CLSPN: variants seen among roughly 807,000 people sequenced by gnomAD.
CLSPN encodes the protein claspin, also known as claspin homolog.
In CLSPN, 85 loss-of-function variants were observed where a neutral mutation model predicts 156.3. The observed-to-expected ratio is 0.54, with a 90% CI of 0.46 to 0.65. The LOEUF (loss-of-function observed/expected upper bound fraction) is 0.65. Among genes scored for constraint, CLSPN ranks in the 30% least tolerant of loss-of-function variants. The probability of loss-of-function intolerance (pLI) is 0.00; values close to 1 mark genes in which losing one functional copy is unlikely to be tolerated. For synonymous variants in CLSPN, 534 were observed against 542.4 expected (o/e 0.98, Z 0.22); for missense variants, 1,407 against 1,554.9 (o/e 0.90, Z 1.60).
Position 35,745,555 on chromosome 1 carries a change from G to A in CLSPN, c.2862C>T (p.Ser954=). 2 of 1,607,988 alleles carry A rather than the reference G, an allele frequency of 1.2e-6. No homozygotes were observed. Among genetic ancestry groups the A allele is most frequent in the Non-Finnish European group, 1.7e-6 (2 of 1,174,460 alleles). Residue 954 remains serine (S), a synonymous_variant, in exon 16 of 25, where the codon TCC becomes TCT. Transcript: ENST00000318121. ...TATTTAACTCTGATGAGGCTGGAGT[G>A]GAGGCATCTACATCACAACAAGGAA... ...CSGKFTSQDA[S]TPASSELNKQ...
At chr1:35,726,900 G>A (rs781370602) in intron 24 of CLSPN, among the ~76,000 whole-genome samples, 2 of 152,204 alleles carry the variant, frequency 1.3e-5, no homozygotes, top group Non-Finnish European at 2.9e-5. Context: ...GTTTTAGTCA[G>A]GAGGGTGAAC....
intron 8 of CLSPN, among the ~76,000 whole-genome samples, chr1:35,754,695 GA>G (rs1164016348): frequency 6.6e-6 from 1 of 151,984 alleles, no homozygotes; most frequent in East Asian, 1.9e-4. Flanking sequence ...TTCAAGAAGG[GA>G]AAATAAAATG....
chr1:35,734,548 G>T lies in CLSPN; in HGVS notation c.*1948C>A. The T allele has an allele frequency of 3.4e-6, 1 of 289,870 alleles. No individual in the cohort carries two copies. Among genetic ancestry groups the T allele is most frequent in the Non-Finnish European group, 5.1e-6 (1 of 194,412 alleles). The allele number at this position is 289,870 out of a possible 1,614,324, so 18.0% of individuals were successfully genotyped here. Reference sequence around the variant, plus strand: ...TACAAAAAATTAGCTGGGAGTGGTGGCAGGTGCCTGTAATCCCTGCTATTT... The same window carrying T: ...TACAAAAAATTAGCTGGGAGTGGTGTCAGGTGCCTGTAATCCCTGCTATTT... On this transcript the variant is annotated 3_prime_UTR_variant, in exon 25 of 25. Transcript: ENST00000318121.
At position 35,733,148 on chromosome 1, in the gene CLSPN, A is replaced by T. The variant is rs753365476; in HGVS notation, c.*3348T>A. On this transcript the variant is annotated 3_prime_UTR_variant, in exon 25 of 25. Coordinates refer to ENST00000318121, the MANE Select transcript of CLSPN (RefSeq NM_022111.4). Reference sequence around the variant, plus strand: ...AAGCCTGGCTGATTTTTGTATTTTTAGTAGAGACGGGGTTTCACCTTGTTG... The same window carrying T: ...AAGCCTGGCTGATTTTTGTATTTTTTGTAGAGACGGGGTTTCACCTTGTTG... Among the ~76,000 whole-genome samples, 5 of 151,630 alleles carry T rather than the reference A, an allele frequency of 3.3e-5. No homozygotes were observed. The highest frequency in any genetic ancestry group is 6.6e-5 in the Admixed American group (1 of 15,216).
In CLSPN at chr1:35,769,945, G is replaced by A. The variant is rs1642813306; in HGVS notation, c.-75C>T. The A allele has an allele frequency of 3.2e-6, 5 of 1,553,234 alleles. No homozygotes were observed. The highest frequency in any genetic ancestry group is 1.7e-5 in the Admixed American group (1 of 57,872). Reference sequence around the variant, plus strand: ...CCTCAGCCGGAGAGCAGCGGCTCCCGCCGTCTCCAGCCCAGCAGTGCTGTT... The same window carrying A: ...CCTCAGCCGGAGAGCAGCGGCTCCCACCGTCTCCAGCCCAGCAGTGCTGTT... On this transcript the variant is annotated 5_prime_UTR_variant, in exon 1 of 25. Transcript: ENST00000318121.
In CLSPN at chr1:35,734,083, C is replaced by T. The variant is rs1641386035; in HGVS notation, c.*2413G>A. ...GAACCCAAACCACTTGGTAAGTTAA[C>T]TTGATCAATTCACTAGGACTGAGAA... On this transcript the variant is annotated 3_prime_UTR_variant, in exon 25 of 25. Coordinates refer to ENST00000318121, the MANE Select transcript of CLSPN (RefSeq NM_022111.4). 3.0e-6 allele frequency: 3 copies of T among 985,412 alleles called. No individual in the cohort carries two copies. In the South Asian group the frequency reaches 1.4e-4, roughly 46 times the overall value. The allele number at this position is 985,412 out of a possible 1,614,324, so 61.0% of individuals were successfully genotyped here.
At chr1:35,730,500 C>T (rs1362144767), downstream of CLSPN, among the ~76,000 whole-genome samples, 5 of 140,904 alleles carry the variant, frequency 3.5e-5, no homozygotes, top group South Asian at 4.6e-4. Context: ...CCCGGGAGGC[C>T]GAGGTTGCAG....
At position 35,736,417 on chromosome 1, in the gene CLSPN, C is replaced by G; in HGVS notation, c.*79G>C. 3 of 1,480,764 alleles carry G rather than the reference C, an allele frequency of 2.0e-6. No homozygotes were observed. The highest frequency in any genetic ancestry group is 1.8e-6 in the Non-Finnish European group (2 of 1,117,792). 91.7% of individuals were successfully genotyped at this position (1,480,764 alleles called of 1,614,324 possible). On this transcript the variant is annotated 3_prime_UTR_variant, in exon 25 of 25. Transcript: ENST00000318121. ...TTATGAAAGAAGGAAGGATCATTGGCTGGAGTGTCAATTCCAACTTTCAGT... is the reference window on the plus strand; with the variant it reads ...TTATGAAAGAAGGAAGGATCATTGGGTGGAGTGTCAATTCCAACTTTCAGT...
At chr1:35,768,530 C>T (rs1642751243) in intron 1 of CLSPN, among the ~76,000 whole-genome samples, 1 of 151,900 alleles carries the variant, frequency 6.6e-6, no homozygotes, top group African/African-American at 2.4e-5. Context: ...ACCTCAGCCA[C>T]CCGAGTAGCT....
At chr1:35,767,311 A>T (rs1162723234) in intron 1 of CLSPN, among the ~76,000 whole-genome samples, 7 of 152,196 alleles carry the variant, frequency 4.6e-5, no homozygotes, top group Non-Finnish European at 1.0e-4. Flanking sequence ...ATTTTTGGAA[A>T]GCTCTTGTTT....
intron 1 of CLSPN, among the ~76,000 whole-genome samples, chr1:35,765,974 G>T (rs1642656345): frequency 8.3e-6 from 1 of 119,988 alleles, no homozygotes. Flanking sequence ...AAACTGGGTG[G>T]TTTCTTTCTC....
intron 21 of CLSPN, 120 bp downstream of exon 21, chr1:35,738,335 A>G: frequency 9.9e-7 from 1 of 1,007,190 alleles, no homozygotes; most frequent in Non-Finnish European, 1.5e-6. Context: ...AAGGATTAAA[A>G]GAGATAGCAA....
intron 8 of CLSPN, among the ~76,000 whole-genome samples, chr1:35,758,404 G>C (rs1484976417): frequency 2.0e-5 from 3 of 152,092 alleles, no homozygotes. Flanking sequence ...CAGCACTTTG[G>C]GAGGCTGAGG....
chr1:35,736,595 C>T lies in CLSPN; in HGVS notation c.3921G>A (p.Arg1307=). 6.2e-7 allele frequency: 1 copy of T among 1,610,914 alleles called. No individual in the cohort carries two copies. The highest frequency in any genetic ancestry group is 8.5e-7 in the Non-Finnish European group (1 of 1,178,878). ...AAGGAGAAGTCATGAAAGATGGACCCCTTTTCTTTACCTAGAGAGCAGAGA... is the reference window on the plus strand; with the variant it reads ...AAGGAGAAGTCATGAAAGATGGACCTCTTTTCTTTACCTAGAGAGCAGAGA... The part of the protein sequence containing the change: ...KESSKSQVKK[R]GPSFMTSPSP... The change falls in exon 25 of 25, where the codon AGG becomes AGA. Residue 1307 remains arginine (R), a synonymous_variant. Transcript: ENST00000318121.
chr1:35,737,693 C>T, intron 22 of CLSPN: 1 of 466,716 alleles, frequency 2.1e-6, no homozygotes, highest in Non-Finnish European at 3.8e-6. Flanking sequence ...GGATTCAAAT[C>T]CTACCTCTAA....
At chr1:35,748,354 A>C in intron 13 of CLSPN, 51 bp downstream of exon 13, 1 of 1,527,052 alleles carries the variant, frequency 6.5e-7, no homozygotes, top group South Asian at 1.1e-5. Flanking sequence ...TTTATTTAGC[A>C]ATGTGGGAAG....
chr1:35,743,179 T>G lies in CLSPN; in HGVS notation c.3105A>C (p.Glu1035Asp), dbSNP rs754147846. ...ACTTCTCAGATCGCTTCAGGAGTTC[T>G]TCTTCATCATCATCTTCATGGTCTT... The part of the protein sequence containing the change: ...ALEDHEDDDE[E>D]ELLKRSEKLK... Residue 1035 changes from glutamate to aspartate, a missense_variant, in exon 18 of 25, where the codon GAA becomes GAC. Glu to Asp is a conservative substitution (Grantham distance 45). Around this residue, in one of 3 missense-constraint regions of CLSPN, gnomAD observed 1,096 missense variants for 1,193.0 expected, o/e 0.92. Coordinates refer to ENST00000318121, the MANE Select transcript of CLSPN (RefSeq NM_022111.4). 6 of 1,614,138 alleles carry G rather than the reference T, an allele frequency of 3.7e-6. No individual in the cohort carries two copies. The highest frequency in any genetic ancestry group is 5.1e-6 in the Non-Finnish European group (6 of 1,179,966).
chr1:35,765,084 T>G, intron 2 of CLSPN, 134 bp downstream of exon 2: 2 of 628,848 alleles, frequency 3.2e-6, no homozygotes, highest in Admixed American at 3.2e-5. Flanking sequence ...GTTATTTTGC[T>G]TTTATAATAA....
At position 35,735,698 on chromosome 1, in the gene CLSPN, A is replaced by T; in HGVS notation, c.*798T>A. 1 of 978,824 alleles carries T rather than the reference A, an allele frequency of 1.0e-6. No homozygotes were observed. Among genetic ancestry groups the T allele is most frequent in the Non-Finnish European group, 1.2e-6 (1 of 824,494 alleles). The allele number at this position is 978,824 out of a possible 1,614,324, so 60.6% of individuals were successfully genotyped here. On this transcript the variant is annotated 3_prime_UTR_variant, in exon 25 of 25. Coordinates refer to ENST00000318121, the MANE Select transcript of CLSPN (RefSeq NM_022111.4). ...ACTCCAGACTGGGCAACAAAGTGAGACTATCTCAAAAAAAAAAAAAGAAAT... is the reference window on the plus strand; with the variant it reads ...ACTCCAGACTGGGCAACAAAGTGAGTCTATCTCAAAAAAAAAAAAAGAAAT...
Sources: gnomAD v4.1 joint callset for allele counts (sites outside exome capture counted in the v4.1 genomes callset) on GRCh38, gnomAD v4.1.1 for gene constraint, gnomAD v4.1.1 regional missense constraint, MANE v1.5 for transcripts, NCBI Gene and HGNC (gene_info 2026-07-23, HGNC 2026-07-21) for gene names.